INPP1: variants seen among roughly 807,000 people sequenced by gnomAD.
INPP1 encodes the protein inositol polyphosphate-1-phosphatase, also known as inositol polyphosphate 1-phosphatase.
INPP1 carries 18 observed loss-of-function variants against 23.0 expected under a neutral mutation model. The observed-to-expected ratio is 0.78, with a 90% CI of 0.54 to 1.16. The LOEUF (loss-of-function observed/expected upper bound fraction) is 1.16. INPP1 is among the 50% of genes most tolerant of loss of function. INPP1 has a pLI of 0.00. For synonymous variants in INPP1, 164 were observed against 176.3 expected, an observed-to-expected ratio of 0.93 and a Z score of 0.55; for missense variants, 448 against 482.1, an observed-to-expected ratio of 0.93 and a Z score of 0.66.
intron 2 of INPP1, among the ~76,000 whole-genome samples, chr2:190,351,713 A>G (rs1689327325): frequency 6.6e-6 from 1 of 152,104 alleles, no homozygotes; most frequent in Non-Finnish European, 1.5e-5. Flanking sequence ...CCATTTTACT[A>G]TTGATGCTTG....
Position 190,360,181 on chromosome 2 carries a change from G to T in INPP1, c.79G>T (p.Ala27Ser). The change falls in exon 3 of 7, where the codon GCC becomes TCC. Residue 27 changes from alanine to serine, a missense_variant. Ala to Ser is a moderately conservative substitution (Grantham distance 99). Transcript: ENST00000392329. ...TGCCCGGGCGTGCAGACAGCAGGAAGCCCTCTTCCAGCTGCTGATCGAAGA... is the reference window on the plus strand; with the variant it reads ...TGCCCGGGCGTGCAGACAGCAGGAATCCCTCTTCCAGCTGCTGATCGAAGA... ...NIARACRQQEALFQLLIEEKK... is the reference protein window; with the variant it reads ...NIARACRQQESLFQLLIEEKK... 6.2e-7 allele frequency: 1 copy of T among 1,614,196 alleles called. No homozygotes were observed.
chr2:190,349,430 C>A (rs1194191279), intron 2 of INPP1, among the ~76,000 whole-genome samples: 1 of 151,910 alleles, frequency 6.6e-6, no homozygotes, highest in African/African-American at 2.4e-5. Flanking sequence ...GAAGCGAAAC[C>A]CTGTCTGAAA....
In INPP1 at chr2:190,371,214, T is replaced by C. The variant is rs1156595910; in HGVS notation, c.1012T>C (p.Leu338=). 1 of 1,613,382 alleles carries C rather than the reference T, an allele frequency of 6.2e-7. No individual in the cohort carries two copies. The highest frequency in any genetic ancestry group is 8.5e-7 in the Non-Finnish European group (1 of 1,179,508). ...GGGAATAGTAGACTTGAAAGAATGC[T>C]TAGAAAGAAATCCAGAAACAGGGCT... The part of the protein sequence containing the change: ...GGGIVDLKEC[L]ERNPETGLDL... Residue 338 remains leucine, a synonymous_variant, in exon 7 of 7, where the codon TTA becomes CTA. Coordinates refer to ENST00000392329, the MANE Select transcript of INPP1 (RefSeq NM_001128928.2). This position sits in a 1 kb window ranked among gnomAD's most constrained non-coding sequence, Gnocchi z 5.3.
rs371577560 is a variant in INPP1, at chr2:190,370,845, T to G, written c.643T>G (p.Trp215Gly). The G allele has an allele frequency of 6.4e-7, 1 of 1,571,774 alleles. No homozygotes were observed. The highest frequency in any genetic ancestry group is 1.4e-5 in the African/African-American group (1 of 73,064). The change falls in exon 7 of 7, where the codon TGG becomes GGG. Residue 215 changes from tryptophan to glycine, a missense_variant and splice_region_variant. Trp to Gly is a radical substitution (Grantham distance 184). Transcript: ENST00000392329. ...CCAATTGAAATTTTTCTTCTACAGG[T>G]GGAAAGGACAGTGCTATTGGGGCCT... ...FVSRDPNTLRWKGQCYWGLSY... is the reference protein window; with the variant it reads ...FVSRDPNTLRGKGQCYWGLSY...
intron 2 of INPP1, chr2:190,359,683 A>C (rs2067401): frequency 5.2e-5 from 4 of 76,250 alleles, no homozygotes; most frequent in Admixed American, 1.2e-4. Flanking sequence ...GCTGCTAAGC[A>C]TATGATCATT....
In INPP1 at chr2:190,354,532, A is replaced by C. The variant is rs1046463442; in HGVS notation, c.-65+5501A>C. Among the ~76,000 whole-genome samples, 2 of 152,218 alleles carry C rather than the reference A, an allele frequency of 1.3e-5. No homozygotes were observed. The highest frequency in any genetic ancestry group is 2.9e-5 in the Non-Finnish European group (2 of 68,046). On this transcript the variant is annotated intron_variant, in intron 2 of 6. Transcript: ENST00000392329. This position sits in a 1 kb window ranked among gnomAD's most constrained non-coding sequence, Gnocchi z 4.8. ...TTGTAAGAAAAGGGAGACATGCCAG[A>C]GATTAACGCCCACGATGGAAAGGCC... is the stretch of plus-strand genomic sequence containing the variant.
intron 2 of INPP1, among the ~76,000 whole-genome samples, chr2:190,350,344 G>A (rs893414292): frequency 2.6e-5 from 4 of 152,192 alleles, no homozygotes; most frequent in African/African-American, 9.7e-5. Flanking sequence ...AAGGCTCCCT[G>A]TTCTGTTCTT....
At chr2:190,350,217 C>G (rs1226395078) in intron 2 of INPP1, among the ~76,000 whole-genome samples, 2 of 152,192 alleles carry the variant, frequency 1.3e-5, no homozygotes, top group African/African-American at 4.8e-5. Context: ...ATCCGAAATT[C>G]ATCCTTTATA....
At chr2:190,358,673 G>A (rs545196695) in intron 2 of INPP1, among the ~76,000 whole-genome samples, 1 of 152,144 alleles carries the variant, frequency 6.6e-6, no homozygotes, top group Non-Finnish European at 1.5e-5. Context: ...TATAAAACAG[G>A]GTTGATAATA....
chr2:190,357,960 A>AT (rs1460813249), intron 2 of INPP1, among the ~76,000 whole-genome samples: 3 of 151,896 alleles, frequency 2.0e-5, no homozygotes, highest in Admixed American at 2.0e-4. Flanking sequence ...GAGAGAACAT[A>AT]TTTTTTAGCA....
In INPP1 at chr2:190,369,146, C is replaced by T; in HGVS notation, c.510C>T (p.Ser170=). The change falls in exon 6 of 7, where the codon TCC becomes TCT. Residue 170 remains serine (S), a synonymous_variant. Coordinates refer to ENST00000392329, the MANE Select transcript of INPP1 (RefSeq NM_001128928.2). ...TAAAAGGTTCTGCTGACATTAAATCCAACCAGGGAATCTTCCCCTGTGGAC... is the reference window on the plus strand; with the variant it reads ...TAAAAGGTTCTGCTGACATTAAATCTAACCAGGGAATCTTCCCCTGTGGAC... ...QYIKGSADIK[S]NQGIFPCGLQ... The T allele has an allele frequency of 6.2e-7, 1 of 1,605,990 alleles. No individual in the cohort carries two copies.
rs1255495076 is a variant in INPP1, at chr2:190,368,033, TAC to T, written c.467-1069_467-1068del. On this transcript the variant is annotated intron_variant, in intron 5 of 6. Coordinates refer to ENST00000392329, the MANE Select transcript of INPP1 (RefSeq NM_001128928.2). This position sits in a 1 kb window ranked among gnomAD's most constrained non-coding sequence, Gnocchi z 4.3. The stretch of plus-strand genomic sequence containing the variant: ...TCCTACAAGTGCATTCACAGGATGA[TAC>T]TGAAATGGGTTTAATCTTCAGATAA... Among the ~76,000 whole-genome samples, 1 of 152,192 alleles carries T rather than the reference TAC, an allele frequency of 6.6e-6. No individual in the cohort carries two copies. Among genetic ancestry groups the T allele is most frequent in the Non-Finnish European group, 1.5e-5 (1 of 68,040 alleles).
chr2:190,346,118 C>T lies in INPP1; in HGVS notation c.-209+2157C>T, dbSNP rs567142916. Among the ~76,000 whole-genome samples, 7 of 152,284 alleles carry T rather than the reference C, an allele frequency of 4.6e-5. No individual in the cohort carries two copies. In the East Asian group the frequency reaches 9.6e-4, roughly 21 times the overall value. ...AAATTCCTCAGGGTAGTAGGCAAGTCGGGGAGTGGGTAGAGTATAATAGTG... is the reference window on the plus strand; with the variant it reads ...AAATTCCTCAGGGTAGTAGGCAAGTTGGGGAGTGGGTAGAGTATAATAGTG... On this transcript the variant is annotated intron_variant, in intron 1 of 6. Coordinates refer to ENST00000392329, the MANE Select transcript of INPP1 (RefSeq NM_001128928.2). The surrounding 1 kb of genome is among the most constrained non-coding windows in gnomAD (Gnocchi z 5.1).
In INPP1 at chr2:190,346,211, T is replaced by C. The variant is rs536362257; in HGVS notation, c.-209+2250T>C. Among the ~76,000 whole-genome samples, 4 of 152,184 alleles carry C rather than the reference T, an allele frequency of 2.6e-5. No individual in the cohort carries two copies. The East Asian group carries it at 7.7e-4, about 29-fold the overall frequency. On this transcript the variant is annotated intron_variant, in intron 1 of 6. Coordinates refer to ENST00000392329, the MANE Select transcript of INPP1 (RefSeq NM_001128928.2). The surrounding 1 kb of genome is among the most constrained non-coding windows in gnomAD (Gnocchi z 5.1). ...AGAATTTCTAAGAGAAAGGAGATAT[T>C]TCAAATAGACAAAAATGATAAAATT...
At position 190,352,250 on chromosome 2, in the gene INPP1, T is replaced by A. The variant is rs1245372946; in HGVS notation, c.-65+3219T>A. 6.6e-6 allele frequency among the ~76,000 whole-genome samples: 1 copy of A among 152,110 alleles called. No individual in the cohort carries two copies. The highest frequency in any genetic ancestry group is 2.1e-4 in the South Asian group (1 of 4,812). ...AATCTTCCCAGAGCAGGAGAGCAAA[T>A]GGATAGTGCAAAATCAGCTACTAAA... On this transcript the variant is annotated intron_variant, in intron 2 of 6. Coordinates refer to ENST00000392329, the MANE Select transcript of INPP1 (RefSeq NM_001128928.2). This position sits in a 1 kb window ranked among gnomAD's most constrained non-coding sequence, Gnocchi z 4.7.
At chr2:190,366,982 A>T (rs1689692646) in intron 5 of INPP1, 87 bp downstream of exon 5, 1 of 823,448 alleles carries the variant, frequency 1.2e-6, no homozygotes, top group Non-Finnish European at 2.0e-6. Flanking sequence ...AATAAAAATT[A>T]TTGAGTGTAG....
Position 190,352,014 on chromosome 2 carries a change from C to A in INPP1, c.-65+2983C>A, listed in dbSNP as rs1018993953. ...CTATTCCATTGGATACATAGTGGCA[C>A]CCTGTTGAGATTTTAAGTTGCATCT... On this transcript the variant is annotated intron_variant, in intron 2 of 6. Transcript: ENST00000392329. The surrounding 1 kb of genome is among the most constrained non-coding windows in gnomAD (Gnocchi z 4.7). 6.6e-6 allele frequency among the ~76,000 whole-genome samples: 1 copy of A among 152,124 alleles called. No homozygotes were observed. Among genetic ancestry groups the A allele is most frequent in the Non-Finnish European group, 1.5e-5 (1 of 68,016 alleles).
At position 190,371,288 on chromosome 2, in the gene INPP1, G is replaced by C. The variant is rs753480052; in HGVS notation, c.1086G>C (p.Gly362=). The C allele has an allele frequency of 6.2e-7, 1 of 1,609,958 alleles. No individual in the cohort carries two copies. The highest frequency in any genetic ancestry group is 1.7e-5 in the Admixed American group (1 of 59,768). ...ACGTGGAAAATGAGGGTGCTGCTGG[G>C]GTGGATCGGTGGGCCAACAAGGGAG... The part of the protein sequence containing the change: ...VYHVENEGAA[G]VDRWANKGGL... Residue 362 remains glycine (G), a synonymous_variant, in exon 7 of 7, where the codon GGG becomes GGC. Transcript: ENST00000392329. The surrounding 1 kb of genome is among the most constrained non-coding windows in gnomAD (Gnocchi z 5.3).
Position 190,355,471 on chromosome 2 carries a change from T to TCA in INPP1, c.-64-4568_-64-4567insCA, listed in dbSNP as rs201848790. 6.6e-3 allele frequency among the ~76,000 whole-genome samples: 1,009 copies of TCA among 152,336 alleles called. 12 individuals carry two copies. Among genetic ancestry groups the TCA allele is most frequent in the African/African-American group, 0.022 (915 of 41,568 alleles). ...CCTGGAGAACTGGAGCTATTAAATC[T>TCA]GTGTTTAGAGTTATACAGGTTGCTG... On this transcript the variant is annotated intron_variant, in intron 2 of 6. Transcript: ENST00000392329. The surrounding 1 kb of genome is among the most constrained non-coding windows in gnomAD (Gnocchi z 5.1).
Sources: allele counts gnomAD v4.1 joint callset (sites outside exome capture counted in the v4.1 genomes callset), GRCh38; gene constraint gnomAD v4.1.1; non-coding constraint Gnocchi (gnomAD v3.1); transcripts MANE v1.5; gene names NCBI Gene and HGNC (gene_info 2026-07-23, HGNC 2026-07-21).